Variants in FAT3 observed in about 807,000 individuals in gnomAD.
FAT3 encodes the protein FAT atypical cadherin 3, also known as protocadherin Fat 3.
A neutral mutation model predicts 310.2 loss-of-function variants in FAT3; 95 were observed. The observed-to-expected ratio is 0.31, with a 90% CI of 0.26 to 0.36. The LOEUF is 0.36. Among genes scored for constraint, FAT3 ranks in the 10% least tolerant of loss-of-function variants. FAT3 has a pLI of 1.00. For missense variants in FAT3, 5,408 were observed against 5,715.6 expected, an observed-to-expected ratio of 0.95 and a Z score of 1.74; for synonymous variants, 2,314 against 2,192.9, an observed-to-expected ratio of 1.06 and a Z score of -1.54.
intron 23 of FAT3, among the ~76,000 whole-genome samples, chr11:92,881,784 GC>G (rs1265380079): frequency 6.6e-6 from 1 of 152,118 alleles, no homozygotes; most frequent in Admixed American, 6.6e-5. Context: ...TGAAACACTT[GC>G]CTTATAATTA....
At position 92,289,432 on chromosome 11, in the gene FAT3, G is replaced by A. The variant is rs529725558; in HGVS notation, c.-17-62664G>A. On this transcript the variant is annotated intron_variant, in intron 1 of 27. Coordinates refer to ENST00000525166, the MANE Select transcript of FAT3 (RefSeq NM_001367949.2). Reference sequence around the variant, plus strand: ...TTTACCCCACACATTTGCTACTTCTGCCATCTTACTTGTCTCATCTCAATA... The same window carrying A: ...TTTACCCCACACATTTGCTACTTCTACCATCTTACTTGTCTCATCTCAATA... Among the ~76,000 whole-genome samples, 5 of 151,258 alleles carry A rather than the reference G, an allele frequency of 3.3e-5. No homozygotes were observed. In the East Asian group the frequency reaches 9.8e-4, roughly 30 times the overall value.
At chr11:92,245,903 G>A (rs937427436) in intron 1 of FAT3, among the ~76,000 whole-genome samples, 5 of 152,088 alleles carry the variant, frequency 3.3e-5, no homozygotes, top group Non-Finnish European at 5.9e-5. Flanking sequence ...AACCATCTGC[G>A]CAATGGGGGA....
intron 4 of FAT3, among the ~76,000 whole-genome samples, chr11:92,709,674 T>C (rs1944461505): frequency 6.6e-6 from 1 of 152,230 alleles, no homozygotes; most frequent in Non-Finnish European, 1.5e-5. Flanking sequence ...CTTTGCAGGA[T>C]ATAGTGATAT....
At chr11:92,555,583 C>G (rs1442260404) in intron 3 of FAT3, among the ~76,000 whole-genome samples, 1 of 152,142 alleles carries the variant, frequency 6.6e-6, no homozygotes, top group Non-Finnish European at 1.5e-5. Context: ...CAGCTAACAC[C>G]CAGAGCCAAG....
intron 1 of FAT3, among the ~76,000 whole-genome samples, chr11:92,243,804 A>G (rs943620064): frequency 2.0e-5 from 3 of 152,104 alleles, no homozygotes; most frequent in Non-Finnish European, 4.4e-5. Context: ...ATTCCAAACC[A>G]TGAAATTTTG....
At chr11:92,677,161 T>C (rs1943312453) in intron 3 of FAT3, among the ~76,000 whole-genome samples, 1 of 152,242 alleles carries the variant, frequency 6.6e-6, no homozygotes, top group South Asian at 2.1e-4. Context: ...ATGTTTAGCC[T>C]TGTTCTCTGC....
intron 4 of FAT3, among the ~76,000 whole-genome samples, chr11:92,743,642 A>C (rs1945570874): frequency 6.6e-6 from 1 of 152,184 alleles, no homozygotes; most frequent in Non-Finnish European, 1.5e-5. Context: ...CATGTGTCCT[A>C]AGGAGGACAG....
chr11:92,761,965 A>G lies in FAT3; in HGVS notation c.3779A>G (p.Gln1260Arg), dbSNP rs2136084438. 1 of 1,614,038 alleles carries G rather than the reference A, an allele frequency of 6.2e-7. No homozygotes were observed. The highest frequency in any genetic ancestry group is 8.5e-7 in the Non-Finnish European group (1 of 1,179,890). The change falls in exon 5 of 28, where the codon CAG (glutamine) becomes CGG (arginine). Residue 1260 changes from glutamine to arginine, a missense_variant. Physicochemically the swap from Gln to Arg is conservative, Grantham distance 43. This residue lies in a region of FAT3 where 4,588 missense variants were observed against 4,809.8 expected (regional missense o/e 0.95). Transcript: ENST00000525166. ...NKPQFPEKVY[Q>R]IKLPERDRKK... is the part of the protein sequence containing the mutation. ...CCCCAGTTCCCAGAGAAGGTCTACC[A>G]GATCAAGCTGCCAGAACGTGACCGA...
chr11:92,742,672 C>T lies in FAT3; in HGVS notation c.3670-19184C>T, dbSNP rs565059580. Among the ~76,000 whole-genome samples, 18 of 152,332 alleles carry T rather than the reference C, an allele frequency of 1.2e-4. 1 individual carries two copies. The South Asian group carries it at 3.5e-3, about 30-fold the overall frequency. ...TTCCTCTCTTGCTTTTGTCCTTCCA[C>T]CTTCCACCATGGAATGATGCAGCAA... On this transcript the variant is annotated intron_variant, in intron 4 of 27. Coordinates refer to ENST00000525166, the MANE Select transcript of FAT3 (RefSeq NM_001367949.2).
rs762590053 is a variant in FAT3 at position 92,836,526 on chromosome 11, A to AT, written c.10087-39dup. Reference sequence around the variant, plus strand: ...CCTAAGAATCAACCTTTGCTGCCTTATGTCATGTCTTTTCTTTGTTTTGCT... The same window carrying AT: ...CCTAAGAATCAACCTTTGCTGCCTTATTGTCATGTCTTTTCTTTGTTTTGCT... On this transcript the variant is annotated intron_variant, in intron 15 of 27. Transcript: ENST00000525166. 16 of 1,604,316 alleles carry AT rather than the reference A, an allele frequency of 1.0e-5. No homozygotes were observed. The African/African-American group carries it at 2.1e-4, about 21-fold the overall frequency.
At chr11:92,347,362 T>C (rs1439231755) in intron 1 of FAT3, among the ~76,000 whole-genome samples, 1 of 152,194 alleles carries the variant, frequency 6.6e-6, no homozygotes, top group African/African-American at 2.4e-5. Flanking sequence ...AGCAAATTTC[T>C]TGAGTACCCT....
chr11:92,883,540 C>A lies in FAT3; in HGVS notation c.12937+147C>A. The A allele has an allele frequency of 8.7e-7, 1 of 1,143,598 alleles. No individual in the cohort carries two copies. The highest frequency in any genetic ancestry group is 1.2e-6 in the Non-Finnish European group (1 of 825,216). The allele number at this position is 1,143,598 out of a possible 1,614,324, so 70.8% of individuals were successfully genotyped here. ...CTGATGTCGAATGTGCACACCAGCT[C>A]TGGAAAATTGTCCTGGTTCTGGTTC... On this transcript the variant is annotated intron_variant, in intron 24 of 27. Coordinates refer to ENST00000525166, the MANE Select transcript of FAT3 (RefSeq NM_001367949.2). The surrounding 1 kb of genome is among the most constrained non-coding windows in gnomAD (Gnocchi z 4.2).
chr11:92,297,251 A>G (rs1946873511), intron 1 of FAT3, among the ~76,000 whole-genome samples: 1 of 152,024 alleles, frequency 6.6e-6, no homozygotes, highest in Non-Finnish European at 1.5e-5. Flanking sequence ...ATAGTGTTTC[A>G]TTGACTTTTT....
chr11:92,780,457 GCA>G (rs766035354), intron 7 of FAT3, among the ~76,000 whole-genome samples: 33 of 152,068 alleles, frequency 2.2e-4, no homozygotes, highest in Non-Finnish European at 4.0e-4. Flanking sequence ...GTGAGGCACT[GCA>G]CCCAGCCTAT....
rs775977513 is a variant in FAT3 at position 92,798,858 on chromosome 11, GA to G, written c.5846del (p.Asp1949ValfsTer5). The G allele has an allele frequency of 6.2e-7, 1 of 1,613,872 alleles. No homozygotes were observed. Among genetic ancestry groups the G allele is most frequent in the Non-Finnish European group, 8.5e-7 (1 of 1,179,860 alleles). On this transcript the variant is annotated frameshift_variant, in exon 10 of 28. Coordinates refer to ENST00000525166, the MANE Select transcript of FAT3 (RefSeq NM_001367949.2). LOFTEE classifies it high-confidence loss of function. Reference sequence around the variant, plus strand: ...CATAAAAAACAACAACCTCTCCAAGGATCACTACATGCTGATAGTTAAGGTG... The same window carrying G: ...CATAAAAAACAACAACCTCTCCAAGGTCACTACATGCTGATAGTTAAGGTG... ...LTIKNNNLSK[D>X]HYMLIVKVSD... is the part of the protein sequence containing the mutation.
At chr11:92,344,062 G>A (rs1426337921) in intron 1 of FAT3, among the ~76,000 whole-genome samples, 1 of 152,168 alleles carries the variant, frequency 6.6e-6, no homozygotes, top group East Asian at 1.9e-4. Context: ...AAATTACATA[G>A]CATGATTGTG....
intron 2 of FAT3, among the ~76,000 whole-genome samples, chr11:92,478,422 T>A (rs761205645): frequency 5.3e-5 from 8 of 152,312 alleles, no homozygotes; most frequent in Non-Finnish European, 7.4e-5. Context: ...AGTTTTACCA[T>A]CACTGCCCTT....
intron 19 of FAT3, among the ~76,000 whole-genome samples, chr11:92,852,000 C>T (rs1333864536): frequency 6.6e-6 from 1 of 152,110 alleles, no homozygotes; most frequent in Non-Finnish European, 1.5e-5. Context: ...AGCGAGTTAA[C>T]CCTTCAGCAT....
At chr11:92,880,164 G>A (rs1436779573) in intron 22 of FAT3, among the ~76,000 whole-genome samples, 2 of 151,012 alleles carry the variant, frequency 1.3e-5, no homozygotes, top group Non-Finnish European at 2.9e-5. Flanking sequence ...AATCAGGATC[G>A]GACCAGGGGA....
Sources: allele counts gnomAD v4.1 joint callset (sites outside exome capture counted in the v4.1 genomes callset), GRCh38; gene constraint gnomAD v4.1.1; regional missense constraint gnomAD v4.1.1; non-coding constraint Gnocchi (gnomAD v3.1); transcripts MANE v1.5; gene names NCBI Gene and HGNC (gene_info 2026-07-23, HGNC 2026-07-21).